The following PMEPA1 variants were observed in gnomAD, a reference collection of about 807,000 sequenced individuals.
PMEPA1 encodes the protein prostate transmembrane protein, androgen induced 1.
In PMEPA1, 11 loss-of-function variants were observed where a neutral mutation model predicts 23.0. The observed-to-expected ratio is 0.48, with a 90% CI of 0.30 to 0.79. The LOEUF is 0.79. Among genes scored for constraint, PMEPA1 ranks in the 30% least tolerant of loss-of-function variants. The probability of loss-of-function intolerance (pLI) is 0.06; values close to 1 mark genes in which losing one functional copy is unlikely to be tolerated. For synonymous variants in PMEPA1, 204 were observed against 166.4 expected (o/e 1.23, Z -1.74); for missense variants, 377 against 390.9 (o/e 0.96, Z 0.30).
rs1013183775 is a variant in PMEPA1 at position 57,683,674 on chromosome 20, C to T, written c.110-23977G>A. ...ATTATGAGAGAGCAGAAAGAACCCC[C>T]GAATGACTGTATAACTTGAAATATT... On this transcript the variant is annotated intron_variant, in intron 1 of 3. Transcript: ENST00000341744. This position sits in a 1 kb window ranked among gnomAD's most constrained non-coding sequence, Gnocchi z 4.3. Among the ~76,000 whole-genome samples the T allele has an allele frequency of 1.3e-5, 2 of 151,936 alleles. No individual in the cohort carries two copies. The highest frequency in any genetic ancestry group is 2.1e-4 in the South Asian group (1 of 4,784).
intron 1 of PMEPA1, among the ~76,000 whole-genome samples, chr20:57,677,286 T>C (rs995468366): frequency 2.6e-5 from 4 of 152,320 alleles, no homozygotes; most frequent in East Asian, 1.9e-4. Context: ...CCCCGTCTCA[T>C]TGGGTTGTTT....
At chr20:57,686,809 C>T (rs1386704322) in intron 1 of PMEPA1, among the ~76,000 whole-genome samples, 2 of 152,242 alleles carry the variant, frequency 1.3e-5, no homozygotes, top group African/African-American at 4.8e-5. Context: ...GCTGGACCCG[C>T]AGTGAACACC....
intron 1 of PMEPA1, among the ~76,000 whole-genome samples, chr20:57,669,762 G>A (rs1355325734): frequency 6.6e-6 from 1 of 152,318 alleles, no homozygotes; most frequent in East Asian, 1.9e-4. Flanking sequence ...GAAACTGCCA[G>A]CTGTGGGTCC....
At chr20:57,668,835 A>G (rs958621900) in intron 1 of PMEPA1, among the ~76,000 whole-genome samples, 3 of 152,070 alleles carry the variant, frequency 2.0e-5, no homozygotes, top group Non-Finnish European at 4.4e-5. Context: ...GCCTGGAATG[A>G]TTTTTCCTCA....
In PMEPA1 at chr20:57,666,573, A is replaced by G. The variant is rs113130387; in HGVS notation, c.110-6876T>C. Reference sequence around the variant, plus strand: ...GAGTGTGATTATCCCAAAATGCCAGAAACAGCGGGAGATTGAGCCAAGGGC... The same window carrying G: ...GAGTGTGATTATCCCAAAATGCCAGGAACAGCGGGAGATTGAGCCAAGGGC... On this transcript the variant is annotated intron_variant, in intron 1 of 3. Transcript: ENST00000341744. 7.1e-3 allele frequency among the ~76,000 whole-genome samples: 1,088 copies of G among 152,260 alleles called. 12 individuals carry two copies. The highest frequency in any genetic ancestry group is 0.025 in the African/African-American group (1,048 of 41,534).
At chr20:57,684,471 C>T (rs1459241110) in intron 1 of PMEPA1, among the ~76,000 whole-genome samples, 1 of 152,174 alleles carries the variant, frequency 6.6e-6, no homozygotes, top group East Asian at 1.9e-4. Flanking sequence ...AGAACCGCCC[C>T]CACCACCCAC....
intron 1 of PMEPA1, among the ~76,000 whole-genome samples, chr20:57,701,757 G>A (rs532145268): frequency 1.2e-4 from 18 of 152,258 alleles, no homozygotes; most frequent in African/African-American, 4.1e-4. Context: ...CTCACCCCCA[G>A]AATGAAGGTC....
chr20:57,677,215 C>T (rs1374902157), intron 1 of PMEPA1, among the ~76,000 whole-genome samples: 1 of 152,188 alleles, frequency 6.6e-6, no homozygotes, highest in Non-Finnish European at 1.5e-5. Context: ...ATGGATTATT[C>T]TGGCTGTGGG....
upstream of PMEPA1, chr20:57,710,528 G>T (rs1339765273): frequency 6.4e-6 from 10 of 1,557,772 alleles, no homozygotes; most frequent in Non-Finnish European, 7.8e-6. Flanking sequence ...ATGGCCCACT[G>T]AACCCCCAAG....
rs936415523 is a variant in PMEPA1, at chr20:57,689,089, C to A, written c.109+20385G>T. On this transcript the variant is annotated intron_variant, in intron 1 of 3. Coordinates refer to ENST00000341744, the MANE Select transcript of PMEPA1 (RefSeq NM_020182.5). ...TGGGCGCATGGGCCCGAGTGGGCGT[C>A]AGCTTGATTGGGTTTCAAAACGCGT... is the stretch of plus-strand genomic sequence containing the variant. Among the ~76,000 whole-genome samples, 4 of 152,230 alleles carry A rather than the reference C, an allele frequency of 2.6e-5. 1 individual carries two copies. Among genetic ancestry groups the A allele is most frequent in the African/African-American group, 9.6e-5 (4 of 41,464 alleles).
In PMEPA1 at chr20:57,656,865, C is replaced by T. The variant is rs2071333677; in HGVS notation, c.264+2678G>A. On this transcript the variant is annotated intron_variant, in intron 2 of 3. Coordinates refer to ENST00000341744, the MANE Select transcript of PMEPA1 (RefSeq NM_020182.5). This position sits in a 1 kb window ranked among gnomAD's most constrained non-coding sequence, Gnocchi z 4.7. ...ATGGGCTGGGGGGATGTAGACTGGG[C>T]CCGGGACAGATAAGAGCTGTATGTG... is the stretch of plus-strand genomic sequence containing the variant. Among the ~76,000 whole-genome samples the T allele has an allele frequency of 6.6e-6, 1 of 152,176 alleles. No homozygotes were observed. The highest frequency in any genetic ancestry group is 1.5e-5 in the Non-Finnish European group (1 of 68,020).
intron 1 of PMEPA1, among the ~76,000 whole-genome samples, chr20:57,663,896 G>A (rs1320608447): frequency 1.3e-5 from 2 of 152,212 alleles, no homozygotes; most frequent in Non-Finnish European, 2.9e-5. Flanking sequence ...CCCCACCGGC[G>A]CGGATGCTGT....
intron 1 of PMEPA1, among the ~76,000 whole-genome samples, chr20:57,689,523 C>T (rs910256596): frequency 2.6e-5 from 4 of 152,340 alleles, no homozygotes; most frequent in Middle Eastern, 3.4e-3. Flanking sequence ...CACCGGGAAT[C>T]GGACCTAGGT....
chr20:57,658,410 G>C (rs2071357725), intron 2 of PMEPA1, among the ~76,000 whole-genome samples: 1 of 152,200 alleles, frequency 6.6e-6, no homozygotes, highest in African/African-American at 2.4e-5. Flanking sequence ...ACCTGCTCCT[G>C]TCTGCGCCCA....
intron 1 of PMEPA1, among the ~76,000 whole-genome samples, chr20:57,706,535 G>A (rs1263134382): frequency 1.3e-5 from 2 of 151,960 alleles, no homozygotes; most frequent in Non-Finnish European, 2.9e-5. Context: ...CTCATCCCTC[G>A]ACTCTCAGAA....
At chr20:57,670,983 G>C (rs2071560627) in intron 1 of PMEPA1, among the ~76,000 whole-genome samples, 2 of 152,128 alleles carry the variant, frequency 1.3e-5, no homozygotes, top group Non-Finnish European at 2.9e-5. Flanking sequence ...CGCGGCCGTG[G>C]GTGAGCCCTG....
chr20:57,680,435 C>T (rs188562721), intron 1 of PMEPA1, among the ~76,000 whole-genome samples: 1 of 152,078 alleles, frequency 6.6e-6, no homozygotes, highest in Admixed American at 6.5e-5. Context: ...ATCCAGTGGG[C>T]GAGGGGAAGT....
At chr20:57,679,510 G>A (rs570542588) in intron 1 of PMEPA1, among the ~76,000 whole-genome samples, 6 of 152,338 alleles carry the variant, frequency 3.9e-5, no homozygotes, top group African/African-American at 1.4e-4. Flanking sequence ...CAGACAATGC[G>A]GGAGCCGTGT....
intron 1 of PMEPA1, among the ~76,000 whole-genome samples, chr20:57,662,887 T>C (rs203372): frequency 0.58 from 87,749 of 152,054 alleles, 27,570 homozygotes; most frequent in African/African-American, 0.84. Flanking sequence ...CAGACAGCAG[T>C]GAGACGGTAG....
Sources: gnomAD v4.1 joint callset for allele counts (sites outside exome capture counted in the v4.1 genomes callset) on GRCh38, gnomAD v4.1.1 for gene constraint, Gnocchi (gnomAD v3.1) non-coding constraint, MANE v1.5 for transcripts, NCBI Gene and HGNC (gene_info 2026-07-23, HGNC 2026-07-21) for gene names.